Variants in POLE2 observed in about 807,000 individuals in gnomAD.
POLE2 encodes the protein DNA polymerase epsilon 2, accessory subunit.
A neutral mutation model predicts 79.4 loss-of-function variants in POLE2; 56 were observed. The observed-to-expected ratio is 0.71, with a 90% confidence interval of 0.57 to 0.88. The LOEUF (loss-of-function observed/expected upper bound fraction) is 0.88. POLE2 is among the 40% of genes least tolerant of loss of function. The pLI is 0.00. For missense variants in POLE2, 598 were observed against 638.9 expected, an observed-to-expected ratio of 0.94 and a Z score of 0.69; for synonymous variants, 212 against 214.0, an observed-to-expected ratio of 0.99 and a Z score of 0.08.
Position 49,666,230 on chromosome 14 carries a change from A to G in POLE2, c.576+100T>C, listed in dbSNP as rs1594589333. On this transcript the variant is annotated intron_variant, in intron 7 of 18. Transcript: ENST00000216367. ...GTTCTGTTGGTGAGGCGAGTTTTCA[A>G]TAAAGAATACATTCCTGTGCCCACT... is the stretch of plus-strand genomic sequence containing the variant. 8.9e-6 allele frequency: 6 copies of G among 676,670 alleles called. No homozygotes were observed. The East Asian group carries it at 1.2e-4, about 13-fold the overall frequency. The allele number at this position is 676,670 out of a possible 1,614,324, so 41.9% of individuals were successfully genotyped here.
intron 9 of POLE2, among the ~76,000 whole-genome samples, chr14:49,663,710 T>C (rs926972642): frequency 1.3e-5 from 2 of 152,320 alleles, no homozygotes; most frequent in Admixed American, 6.5e-5. Flanking sequence ...ATCGTTCACA[T>C]ACTATACAAT....
chr14:49,677,602 CTGTGTCAT>C lies in POLE2; in HGVS notation c.245+2115_245+2122del, dbSNP rs548642401. On this transcript the variant is annotated intron_variant, in intron 3 of 18. Coordinates refer to ENST00000216367, the MANE Select transcript of POLE2 (RefSeq NM_002692.4). ...CCTAGAGCTCTTCCCTGAGCAGTCA[CTGTGTCAT>C]TGATGAACAGACTGATGTCTGGTCC... 5.6e-6 allele frequency: 3 copies of C among 539,342 alleles called. No homozygotes were observed. The South Asian group carries it at 7.9e-5, about 14-fold the overall frequency. 33.4% of individuals were successfully genotyped at this position (539,342 alleles called of 1,614,324 possible).
At chr14:49,673,565 T>C (rs1043755132) in intron 5 of POLE2, among the ~76,000 whole-genome samples, 1 of 152,208 alleles carries the variant, frequency 6.6e-6, no homozygotes, top group Non-Finnish European at 1.5e-5. Flanking sequence ...TTCCTGATTT[T>C]TCTATTGAAT....
At chr14:49,664,220 G>A (rs528234384) in intron 9 of POLE2, among the ~76,000 whole-genome samples, 10 of 151,460 alleles carry the variant, frequency 6.6e-5, no homozygotes, top group African/African-American at 2.2e-4. Context: ...ATGGTGGCAT[G>A]CGCCTATAAT....
At position 49,654,831 on chromosome 14, in the gene POLE2, T is replaced by G. The variant is rs1218001818; in HGVS notation, c.1026A>C (p.Leu342=). 1 of 1,491,524 alleles carries G rather than the reference T, an allele frequency of 6.7e-7. No homozygotes were observed. Among genetic ancestry groups the G allele is most frequent in the Non-Finnish European group, 8.9e-7 (1 of 1,124,582 alleles). The allele number at this position is 1,491,524 out of a possible 1,614,324, so 92.4% of individuals were successfully genotyped here. A position where few individuals can be genotyped will look rare whatever the true frequency, so the allele number is the denominator to read the frequency against. Residue 342 remains leucine (L), a synonymous_variant, in exon 13 of 19, where the codon CTA becomes CTC. Transcript: ENST00000216367. ...CACATATTATATCTGCCAAAGTTTTTAGGGAATCTAAAATTTTAAAAAGGT... is the reference window on the plus strand; with the variant it reads ...CACATATTATATCTGCCAAAGTTTTGAGGGAATCTAAAATTTTAAAAAGGT... The part of the protein sequence containing the change: ...KNQVQALKDS[L]KTLADIICEY...
rs1885229103 is a variant in POLE2, at chr14:49,663,365, A to G, written c.705T>C (p.Phe235=). 1 of 1,610,698 alleles carries G rather than the reference A, an allele frequency of 6.2e-7. No homozygotes were observed. The highest frequency in any genetic ancestry group is 1.1e-5 in the South Asian group (1 of 90,588). ...GTGGAAATCCAAAGGCATTGACATG[A>G]AACACTTGATCTTCAAACCAACCTG... The part of the protein sequence containing the change: ...LAEGWFEDQV[F]HVNAFGFPPT... Residue 235 remains phenylalanine, a synonymous_variant, in exon 10 of 19, where the codon TTT becomes TTC. Transcript: ENST00000216367.
intron 13 of POLE2, 186 bp downstream of exon 13, chr14:49,654,598 T>G: frequency 3.0e-6 from 2 of 672,118 alleles, no homozygotes; most frequent in Non-Finnish European, 4.5e-6. Flanking sequence ...CCTCTATCCC[T>G]TTCAATACTT....
intron 2 of POLE2, among the ~76,000 whole-genome samples, chr14:49,681,140 T>C (rs541458099): frequency 2.0e-5 from 3 of 152,308 alleles, no homozygotes; most frequent in African/African-American, 7.2e-5. Flanking sequence ...CAGTGAGCCA[T>C]ACCCACTTCT....
intron 10 of POLE2, among the ~76,000 whole-genome samples, chr14:49,658,184 C>T (rs1884841382): frequency 6.6e-6 from 1 of 152,032 alleles, no homozygotes; most frequent in Non-Finnish European, 1.5e-5. Flanking sequence ...TCATGCCATT[C>T]TCCTGCCCCA....
At chr14:49,678,993 A>G (rs1188753897) in intron 3 of POLE2, among the ~76,000 whole-genome samples, 1 of 152,176 alleles carries the variant, frequency 6.6e-6, no homozygotes, top group Non-Finnish European at 1.5e-5. Context: ...CAAGGGTAAA[A>G]TTAAAAATCC....
chr14:49,674,548 G>A, intron 3 of POLE2, 121 bp from the exon 4 acceptor site: 1 of 665,754 alleles, frequency 1.5e-6, no homozygotes, highest in Admixed American at 2.8e-5. Context: ...CTCAGGCCAG[G>A]CACACAATTT....
intron 5 of POLE2, among the ~76,000 whole-genome samples, chr14:49,671,680 C>T (rs1222124598): frequency 6.8e-6 from 1 of 147,236 alleles, no homozygotes; most frequent in African/African-American, 2.5e-5. Flanking sequence ...TTCAGCTGGG[C>T]ATGGTGGCTC....
intron 17 of POLE2, among the ~76,000 whole-genome samples, chr14:49,648,849 TG>T (rs1883973865): frequency 6.6e-6 from 1 of 152,204 alleles, no homozygotes; most frequent in African/African-American, 2.4e-5. Flanking sequence ...CTTTCTATGT[TG>T]CCCATGCTGG....
intron 10 of POLE2, among the ~76,000 whole-genome samples, chr14:49,656,951 A>G (rs1884725032): frequency 6.6e-6 from 1 of 152,054 alleles, no homozygotes; most frequent in Non-Finnish European, 1.5e-5. Flanking sequence ...CATCTCTATT[A>G]AAAATGTGAA....
intron 18 of POLE2, among the ~76,000 whole-genome samples, chr14:49,645,978 AAAAGACATTCT>A (rs1371147262): frequency 6.6e-6 from 1 of 152,132 alleles, no homozygotes; most frequent in African/African-American, 2.4e-5. Context: ...TTATTTCAGT[AAAAGACATTCT>A]AACAGTGGAT....
Position 49,654,210 on chromosome 14 carries a change from G to T in POLE2, c.1078C>A (p.Arg360Ser). The T allele has an allele frequency of 1.2e-6, 2 of 1,602,946 alleles. No homozygotes were observed. Among genetic ancestry groups the T allele is most frequent in the South Asian group, 1.1e-5 (1 of 90,084 alleles). Residue 360 changes from arginine (R) to serine (S), a missense_variant, in exon 14 of 19, where the codon CGT becomes AGT. Transcript: ENST00000216367. ...TCTGGACCAGGTACAAACACAAAACGACTACTGTAGCAAAATTCAACACAA... is the reference window on the plus strand; with the variant it reads ...TCTGGACCAGGTACAAACACAAAACTACTACTGTAGCAAAATTCAACACAA... ...CEYPDIHQSS[R>S]FVFVPGPEDP...
chr14:49,653,639 G>A (rs1165697423), intron 15 of POLE2, among the ~76,000 whole-genome samples: 7 of 151,084 alleles, frequency 4.6e-5, no homozygotes, highest in Admixed American at 4.6e-4. Flanking sequence ...TGTTTTTTTT[G>A]TTTTTTTGTT....
chr14:49,653,431 G>A (rs59779267), intron 15 of POLE2, among the ~76,000 whole-genome samples: 33,817 of 152,012 alleles, frequency 0.22, 4,029 homozygotes, highest in Admixed American at 0.3. Flanking sequence ...AGGATATGTA[G>A]TAATAATATC....
At chr14:49,670,821 T>C (rs1566556909) in intron 5 of POLE2, among the ~76,000 whole-genome samples, 1 of 152,238 alleles carries the variant, frequency 6.6e-6, no homozygotes, top group South Asian at 2.1e-4. Context: ...TGTGAGCACC[T>C]GAATCCAGCC....
Sources: gnomAD v4.1 joint callset for allele counts (sites outside exome capture counted in the v4.1 genomes callset) on GRCh38, gnomAD v4.1.1 for gene constraint, MANE v1.5 for transcripts, NCBI Gene and HGNC (gene_info 2026-07-23, HGNC 2026-07-21) for gene names.